The following ZFYVE9 variants were observed in gnomAD, a reference collection of about 807,000 sequenced individuals.
ZFYVE9 encodes zinc finger FYVE-type containing 9.
ZFYVE9 carries 43 observed loss-of-function variants against 126.7 expected under a neutral mutation model. The observed-to-expected ratio is 0.34, with a 90% CI of 0.27 to 0.44. The LOEUF (loss-of-function observed/expected upper bound fraction) is 0.44, where lower values mean the gene tolerates loss of function less well. Ranked by LOEUF, ZFYVE9 falls within the 20% of genes least tolerant of loss-of-function variation. ZFYVE9 has a pLI of 1.00. For missense variants in ZFYVE9, 1,476 were observed against 1,697.0 expected, an observed-to-expected ratio of 0.87 and a Z score of 2.29; for synonymous variants, 521 against 597.4, an observed-to-expected ratio of 0.87 and a Z score of 1.87.
intron 6 of ZFYVE9, among the ~76,000 whole-genome samples, chr1:52,267,642 C>A (rs535017036): frequency 3.9e-5 from 6 of 152,082 alleles, no homozygotes; most frequent in South Asian, 2.1e-4. Flanking sequence ...TCATACTCTT[C>A]CCCATTTTTT....
chr1:52,338,701 T>C (rs1169014741), intron 16 of ZFYVE9, among the ~76,000 whole-genome samples: 1 of 152,238 alleles, frequency 6.6e-6, no homozygotes, highest in African/African-American at 2.4e-5. Flanking sequence ...AAGTTTAAGT[T>C]AGATTCGACT....
At chr1:52,213,856 CCACAG>C (rs1431922633) in intron 1 of ZFYVE9, among the ~76,000 whole-genome samples, 2 of 151,994 alleles carry the variant, frequency 1.3e-5, no homozygotes, top group Non-Finnish European at 2.9e-5. Context: ...TTGAGAAGCC[CCACAG>C]CACCTTAGAG....
chr1:52,228,981 C>G (rs1487203051), intron 2 of ZFYVE9, among the ~76,000 whole-genome samples: 2 of 151,818 alleles, frequency 1.3e-5, no homozygotes, highest in Admixed American at 6.6e-5. Context: ...CCTCGAACTC[C>G]TGGGCTTAAG....
intron 10 of ZFYVE9, 70 bp from the exon 11 acceptor site, chr1:52,293,376 CAAAAAAA>C (rs376379860): frequency 1.6e-4 from 96 of 604,092 alleles, no homozygotes; most frequent in South Asian, 8.7e-4. Context: ...GACTCCGTCT[CAAAAAAA>C]AAAAAAAAAA....
At chr1:52,143,101 A>T (rs1644276265) in intron 1 of ZFYVE9, among the ~76,000 whole-genome samples, 1 of 152,218 alleles carries the variant, frequency 6.6e-6, no homozygotes, top group Non-Finnish European at 1.5e-5. Context: ...AAACACTCAC[A>T]GTTATAAAAA....
At chr1:52,231,876 G>A (rs570859909) in intron 2 of ZFYVE9, among the ~76,000 whole-genome samples, 43 of 152,118 alleles carry the variant, frequency 2.8e-4, no homozygotes, top group Middle Eastern at 6.8e-3. Flanking sequence ...ATCTACCCAC[G>A]TTGGCCTTGC....
intron 12 of ZFYVE9, among the ~76,000 whole-genome samples, chr1:52,296,746 C>T (rs567859701): frequency 4.6e-5 from 7 of 152,232 alleles, no homozygotes; most frequent in East Asian, 1.9e-4. Flanking sequence ...TAATAACCAC[C>T]GAGATTACCA....
At chr1:52,324,420 TA>T (rs1451211478) in intron 13 of ZFYVE9, among the ~76,000 whole-genome samples, 1 of 152,226 alleles carries the variant, frequency 6.6e-6, no homozygotes, top group Non-Finnish European at 1.5e-5. Context: ...ACATTTTTCT[TA>T]AAATTACTCC....
chr1:52,224,262 T>C (rs956055660), intron 2 of ZFYVE9, among the ~76,000 whole-genome samples: 4 of 151,308 alleles, frequency 2.6e-5, no homozygotes, highest in Admixed American at 1.3e-4. Flanking sequence ...GCATGGCCCA[T>C]GGGGCAGGGT....
At chr1:52,205,977 T>C (rs1470812309) in intron 1 of ZFYVE9, among the ~76,000 whole-genome samples, 2 of 152,168 alleles carry the variant, frequency 1.3e-5, no homozygotes, top group East Asian at 3.9e-4. Context: ...TCTTTGAAGG[T>C]ATAGGTGCCC....
Position 52,346,568 on chromosome 1 carries a change from C to T in ZFYVE9, c.*347C>T, listed in dbSNP as rs953484581. 11 of 289,572 alleles carry T rather than the reference C, an allele frequency of 3.8e-5. No homozygotes were observed. Among genetic ancestry groups the T allele is most frequent in the East Asian group, 5.8e-5 (1 of 17,364 alleles). 17.9% of individuals were successfully genotyped at this position (289,572 alleles called of 1,614,324 possible). A position where few individuals can be genotyped will look rare whatever the true frequency, so the allele number is the denominator to read the frequency against. The stretch of plus-strand genomic sequence containing the variant: ...TTATGGTCATGTGCTCAGAAATGCT[C>T]AAATGGGTACAACCATCACCAAGGG... On this transcript the variant is annotated 3_prime_UTR_variant, in exon 19 of 19. Transcript: ENST00000287727.
chr1:52,197,503 A>G lies in ZFYVE9; in HGVS notation c.-142-18866A>G, dbSNP rs917402274. ...CTCTTGGAAAACAGTATAAATTGAG[A>G]AAAGAAGAGGACTGAGTACAGAACT... is the stretch of plus-strand genomic sequence containing the variant. On this transcript the variant is annotated intron_variant, in intron 1 of 18. Transcript: ENST00000287727. Among the ~76,000 whole-genome samples, 15 of 152,242 alleles carry G rather than the reference A, an allele frequency of 9.9e-5. No homozygotes were observed. The South Asian group carries it at 1.7e-3, about 17-fold the overall frequency.
At position 52,176,437 on chromosome 1, in the gene ZFYVE9, A is replaced by G. The variant is rs7531538; in HGVS notation, c.-143+34034A>G. Among the ~76,000 whole-genome samples the G allele has an allele frequency of 4.6e-5, 7 of 152,312 alleles. No homozygotes were observed. In the East Asian group the frequency reaches 5.8e-4, roughly 13 times the overall value. ...GGGTGTCTCCCAGTTAGGCTGGTCA[A>G]GGGTCAAGGACCCACTTGAGGAGGC... is the stretch of plus-strand genomic sequence containing the variant. On this transcript the variant is annotated intron_variant, in intron 1 of 18. Transcript: ENST00000287727.
chr1:52,210,171 T>C (rs1259447129), intron 1 of ZFYVE9, among the ~76,000 whole-genome samples: 1 of 152,182 alleles, frequency 6.6e-6, no homozygotes, highest in Non-Finnish European at 1.5e-5. Flanking sequence ...GACAAGTGGA[T>C]GATAATGCAC....
chr1:52,180,163 G>A, intron 1 of ZFYVE9: 1 of 1,303,150 alleles, frequency 7.7e-7, no homozygotes, highest in Non-Finnish European at 1.1e-6. Context: ...ACCAAAGCCA[G>A]TGAGGGTTTG....
At chr1:52,150,390 G>C (rs1052041948) in intron 1 of ZFYVE9, 1 of 152,256 alleles carries the variant, frequency 6.6e-6, no homozygotes, top group African/African-American at 2.4e-5. Context: ...CCCCACTCCA[G>C]CCTGGGCAAC....
rs751695541 is a variant in ZFYVE9 at position 52,268,550 on chromosome 1, T to C, written c.2543T>C (p.Met848Thr). 3.1e-6 allele frequency: 5 copies of C among 1,614,162 alleles called. No individual in the cohort carries two copies. The highest frequency in any genetic ancestry group is 4.2e-6 in the Non-Finnish European group (5 of 1,180,010). The change falls in exon 7 of 19, where the codon ATG becomes ACG. Residue 848 changes from methionine to threonine, a missense_variant. By Grantham distance (81) the Met-to-Thr change is moderately conservative. This residue lies in a region of ZFYVE9 where 669 missense variants were observed against 902.4 expected (regional missense o/e 0.74). Transcript: ENST00000287727. The part of the protein sequence containing the change: ...GEVADAAKLT[M>T]NGTSSAGTLA... ...GTTGCTGATGCAGCCAAATTAACAA[T>C]GAATGGAACTTCCTCTGCAGGAACC...
At chr1:52,223,536 TG>T (rs1022266787) in intron 2 of ZFYVE9, among the ~76,000 whole-genome samples, 14 of 152,210 alleles carry the variant, frequency 9.2e-5, no homozygotes, top group African/African-American at 2.9e-4. Flanking sequence ...GTATTTTTTT[TG>T]TAATGTCTGG....
At chr1:52,165,075 TA>T (rs1226012852) in intron 1 of ZFYVE9, among the ~76,000 whole-genome samples, 1 of 152,086 alleles carries the variant, frequency 6.6e-6, no homozygotes, top group African/African-American at 2.4e-5. Context: ...TAAAAATAGC[TA>T]AAATGGTAAA....
Sources: gnomAD v4.1 joint callset for allele counts (sites outside exome capture counted in the v4.1 genomes callset) on GRCh38, gnomAD v4.1.1 for gene constraint, gnomAD v4.1.1 regional missense constraint, MANE v1.5 for transcripts, NCBI Gene and HGNC (gene_info 2026-07-23, HGNC 2026-07-21) for gene names.